IMMP2L: variants seen among roughly 807,000 people sequenced by gnomAD.
IMMP2L encodes mitochondrial inner membrane protease subunit 2.
IMMP2L carries 18 observed loss-of-function variants against 19.3 expected under a neutral mutation model. The observed-to-expected ratio is 0.93, with a 90% CI of 0.64 to 1.38. The LOEUF (loss-of-function observed/expected upper bound fraction) is 1.38, where lower values mean the gene tolerates loss of function less well. Among genes scored for constraint, IMMP2L ranks in the 40% most tolerant of loss-of-function variants. The pLI is 0.00. For missense variants in IMMP2L, 233 were observed against 218.2 expected (o/e 1.07, Z -0.43); for synonymous variants, 76 against 73.0 (o/e 1.04, Z -0.21).
At chr7:110,732,814 G>A (rs905799346) in intron 5 of IMMP2L, among the ~76,000 whole-genome samples, 1 of 150,144 alleles carries the variant, frequency 6.7e-6, no homozygotes, top group Non-Finnish European at 1.5e-5. Flanking sequence ...TTTTGAGATA[G>A]GGTCTCTGTC....
At chr7:110,715,969 T>C (rs1178588294) in intron 5 of IMMP2L, among the ~76,000 whole-genome samples, 1 of 152,150 alleles carries the variant, frequency 6.6e-6, no homozygotes, top group African/African-American at 2.4e-5. Context: ...ATATTTAGGA[T>C]AGTGAAGTCT....
intron 3 of IMMP2L, among the ~76,000 whole-genome samples, chr7:111,108,091 T>G (rs1798753241): frequency 6.6e-6 from 1 of 152,144 alleles, no homozygotes; most frequent in South Asian, 2.1e-4. Flanking sequence ...CAGTGTCTTC[T>G]GTAAGTGTCA....
intron 3 of IMMP2L, among the ~76,000 whole-genome samples, chr7:110,978,808 T>A (rs998028471): frequency 3.3e-5 from 5 of 152,016 alleles, no homozygotes; most frequent in African/African-American, 1.2e-4. Context: ...TTCTAACCCT[T>A]TGATCTCTAA....
At chr7:111,406,733 A>G (rs1029709475) in intron 3 of IMMP2L, among the ~76,000 whole-genome samples, 1 of 152,046 alleles carries the variant, frequency 6.6e-6, no homozygotes, top group Admixed American at 6.6e-5. Flanking sequence ...CTCTCTCTAA[A>G]TTAGTGACTC....
At chr7:111,312,502 A>C (rs139571234) in intron 3 of IMMP2L, among the ~76,000 whole-genome samples, 2 of 152,286 alleles carry the variant, frequency 1.3e-5, no homozygotes, top group Non-Finnish European at 2.9e-5. Context: ...GGAGGGGATC[A>C]TAGATCTCTG....
intron 2 of IMMP2L, among the ~76,000 whole-genome samples, chr7:111,504,237 TA>T (rs1156319129): frequency 6.6e-6 from 1 of 151,974 alleles, no homozygotes; most frequent in Non-Finnish European, 1.5e-5. Flanking sequence ...TCAAAGAGAA[TA>T]AAATACCTAG....
At chr7:111,294,074 C>T (rs1258769833) in intron 3 of IMMP2L, among the ~76,000 whole-genome samples, 1 of 151,894 alleles carries the variant, frequency 6.6e-6, no homozygotes, top group Non-Finnish European at 1.5e-5. Context: ...ATCAAAGAAA[C>T]ATTAATCTTA....
chr7:111,114,881 G>A (rs1222603534), intron 3 of IMMP2L, among the ~76,000 whole-genome samples: 6 of 152,152 alleles, frequency 3.9e-5, no homozygotes, highest in Non-Finnish European at 2.9e-5. Flanking sequence ...TAAAGGTCAC[G>A]AGGTCTCCTC....
chr7:110,776,417 C>T (rs1465369642), intron 5 of IMMP2L, among the ~76,000 whole-genome samples: 8 of 151,984 alleles, frequency 5.3e-5, no homozygotes, highest in Admixed American at 4.6e-4. Flanking sequence ...TCAAATAGCA[C>T]ACTAGGTCTC....
intron 3 of IMMP2L, among the ~76,000 whole-genome samples, chr7:111,430,924 T>C (rs1454815636): frequency 2.0e-5 from 3 of 151,738 alleles, no homozygotes; most frequent in Admixed American, 1.3e-4. Flanking sequence ...CTGGACAACA[T>C]GGCAAAACCC....
chr7:111,285,997 A>G (rs1820439954), intron 3 of IMMP2L, among the ~76,000 whole-genome samples: 1 of 152,184 alleles, frequency 6.6e-6, no homozygotes, highest in African/African-American at 2.4e-5. Context: ...GGTTCAATCA[A>G]AGCTTACACT....
intron 3 of IMMP2L, among the ~76,000 whole-genome samples, chr7:111,156,424 T>C (rs939984840): frequency 6.6e-6 from 1 of 152,172 alleles, no homozygotes; most frequent in Non-Finnish European, 1.5e-5. Context: ...TTTTGTTATC[T>C]GCTAATGTTA....
At chr7:111,111,172 C>G (rs542184796) in intron 3 of IMMP2L, among the ~76,000 whole-genome samples, 1 of 151,818 alleles carries the variant, frequency 6.6e-6, no homozygotes, top group Non-Finnish European at 1.5e-5. Flanking sequence ...AATTTATAAC[C>G]CTGTTTTGAA....
chr7:110,675,349 C>T (rs1412199401), intron 5 of IMMP2L, among the ~76,000 whole-genome samples: 3 of 152,044 alleles, frequency 2.0e-5, no homozygotes, highest in Non-Finnish European at 4.4e-5. Context: ...GTAGTGGCTA[C>T]ATCCTTTGTC....
chr7:111,191,721 G>C (rs1293081904), intron 3 of IMMP2L, among the ~76,000 whole-genome samples: 1 of 151,996 alleles, frequency 6.6e-6, no homozygotes, highest in African/African-American at 2.4e-5. Context: ...AGGCCAAACA[G>C]AAGTTGATCT....
chr7:110,822,737 G>C (rs951193282), intron 5 of IMMP2L, among the ~76,000 whole-genome samples: 1 of 152,094 alleles, frequency 6.6e-6, no homozygotes, highest in Non-Finnish European at 1.5e-5. Flanking sequence ...AAGGTTAGAA[G>C]TCTATAATTC....
At chr7:111,529,743 A>C (rs1421710047) in intron 1 of IMMP2L, among the ~76,000 whole-genome samples, 1 of 152,180 alleles carries the variant, frequency 6.6e-6, no homozygotes, top group Non-Finnish European at 1.5e-5. Context: ...TCTTTCATGG[A>C]GATAATTGTG....
chr7:111,188,809 T>A (rs184261399), intron 3 of IMMP2L, among the ~76,000 whole-genome samples: 2 of 152,256 alleles, frequency 1.3e-5, no homozygotes, highest in African/African-American at 4.8e-5. Context: ...CAAAGTAGTG[T>A]CATTACTCAT....
chr7:110,690,655 A>G (rs1793430312), intron 5 of IMMP2L, among the ~76,000 whole-genome samples: 1 of 152,170 alleles, frequency 6.6e-6, no homozygotes, highest in Admixed American at 6.6e-5. Context: ...ACTGTTATAT[A>G]CCAACAGTGA....
Sources: allele counts gnomAD v4.1 joint callset (sites outside exome capture counted in the v4.1 genomes callset), GRCh38; gene constraint gnomAD v4.1.1; transcripts MANE v1.5; gene names NCBI Gene and HGNC (gene_info 2026-07-23, HGNC 2026-07-21).